Variants in ZSWIM6 observed in about 807,000 individuals in gnomAD.
ZSWIM6 encodes the protein zinc finger SWIM-type containing 6.
In ZSWIM6, 9 loss-of-function variants were observed where a neutral mutation model predicts 113.2. The observed-to-expected ratio is 0.08, with a 90% confidence interval of 0.05 to 0.14. The LOEUF is 0.14. Among genes scored for constraint, ZSWIM6 ranks in the 10% least tolerant of loss-of-function variants. The probability of loss-of-function intolerance (pLI) is 1.00; values close to 1 mark genes in which losing one functional copy is unlikely to be tolerated. For synonymous variants in ZSWIM6, 611 were observed against 606.5 expected (o/e 1.01, Z -0.11); for missense variants, 1,162 against 1,552.2 (o/e 0.75, Z 4.22).
intron 1 of ZSWIM6, among the ~76,000 whole-genome samples, chr5:61,403,918 G>A (rs1359083522): frequency 6.6e-6 from 1 of 152,136 alleles, no homozygotes; most frequent in Non-Finnish European, 1.5e-5. Context: ...GCTTTCCTTG[G>A]ATAGTTTAAC....
chr5:61,421,056 A>G (rs1023425391), intron 1 of ZSWIM6, among the ~76,000 whole-genome samples: 1 of 151,920 alleles, frequency 6.6e-6, no homozygotes, highest in Non-Finnish European at 1.5e-5. Flanking sequence ...GGTGGCTGGA[A>G]TTACCGGCGC....
At position 61,375,697 on chromosome 5, in the gene ZSWIM6, T is replaced by G. The variant is rs2112073636; in HGVS notation, c.676+42749T>G. The G allele has an allele frequency of 2.6e-6, 4 of 1,547,668 alleles. No individual in the cohort carries two copies. In the South Asian group the frequency reaches 3.6e-5, roughly 14 times the overall value. On this transcript the variant is annotated intron_variant, in intron 1 of 13. Transcript: ENST00000252744. Reference sequence around the variant, plus strand: ...TAAACCTTTATCATCTGAGTCCTTGTCAGAATCAGAGTATATTGAGGAGGT... The same window carrying G: ...TAAACCTTTATCATCTGAGTCCTTGGCAGAATCAGAGTATATTGAGGAGGT...
At chr5:61,465,455 T>A (rs947866271) in intron 1 of ZSWIM6, among the ~76,000 whole-genome samples, 1 of 152,038 alleles carries the variant, frequency 6.6e-6, no homozygotes, top group East Asian at 1.9e-4. Context: ...CACTTCCCCT[T>A]AAACTAGTGG....
chr5:61,413,728 G>A (rs1746191149), intron 1 of ZSWIM6, among the ~76,000 whole-genome samples: 1 of 152,198 alleles, frequency 6.6e-6, no homozygotes, highest in South Asian at 2.1e-4. Flanking sequence ...ATTGGTGTGA[G>A]ATGGTATCTC....
intron 1 of ZSWIM6, among the ~76,000 whole-genome samples, chr5:61,352,272 G>T (rs1744802888): frequency 6.6e-6 from 1 of 152,184 alleles, no homozygotes. Flanking sequence ...TTTTTTGTGT[G>T]ATTTTTCTTT....
intron 1 of ZSWIM6, among the ~76,000 whole-genome samples, chr5:61,433,194 C>T (rs1410542890): frequency 2.0e-5 from 3 of 152,096 alleles, no homozygotes; most frequent in Admixed American, 2.0e-4. Context: ...TGGCTTACTA[C>T]CTTTCATTCC....
chr5:61,336,589 C>T (rs1391478044), intron 1 of ZSWIM6, among the ~76,000 whole-genome samples: 2 of 152,030 alleles, frequency 1.3e-5, no homozygotes, highest in African/African-American at 4.8e-5. Context: ...AAATCTTCGT[C>T]TCTACCAAAA....
intron 1 of ZSWIM6, among the ~76,000 whole-genome samples, chr5:61,334,065 A>T (rs920553186): frequency 6.6e-6 from 1 of 152,230 alleles, no homozygotes; most frequent in Middle Eastern, 3.2e-3. Context: ...AAACCAAACA[A>T]AAGAGTCTCT....
intron 1 of ZSWIM6, among the ~76,000 whole-genome samples, chr5:61,455,296 C>A (rs1747181205): frequency 6.6e-6 from 1 of 152,072 alleles, no homozygotes; most frequent in Admixed American, 6.6e-5. Context: ...AAAGTCCATT[C>A]ATTTCCTCTA....
chr5:61,355,330 C>T (rs1210774526), intron 1 of ZSWIM6, among the ~76,000 whole-genome samples: 4 of 151,876 alleles, frequency 2.6e-5, no homozygotes, highest in East Asian at 1.9e-4. Flanking sequence ...TTGAGATGCC[C>T]CCGGCTTTCA....
chr5:61,390,797 C>T, intron 1 of ZSWIM6: 1 of 792,798 alleles, frequency 1.3e-6, no homozygotes, highest in Non-Finnish European at 2.3e-6. Flanking sequence ...GGTCAATCTT[C>T]TCCAGAGGCC....
intron 1 of ZSWIM6, among the ~76,000 whole-genome samples, chr5:61,346,885 A>G (rs1281616154): frequency 6.6e-6 from 1 of 152,234 alleles, no homozygotes; most frequent in Non-Finnish European, 1.5e-5. Flanking sequence ...AGCCGTTAAA[A>G]TACTCTATTC....
intron 1 of ZSWIM6, among the ~76,000 whole-genome samples, chr5:61,333,770 C>T (rs1744323567): frequency 6.6e-6 from 1 of 151,922 alleles, no homozygotes; most frequent in South Asian, 2.1e-4. Context: ...AAGCTGCCTC[C>T]AGACACCCCT....
intron 5 of ZSWIM6, among the ~76,000 whole-genome samples, chr5:61,525,011 G>A (rs991645160): frequency 4.6e-5 from 7 of 152,074 alleles, no homozygotes; most frequent in South Asian, 2.1e-4. Context: ...TCTTTTCTCC[G>A]TCAGGTCCTG....
intron 1 of ZSWIM6, among the ~76,000 whole-genome samples, chr5:61,436,085 C>A (rs1246179725): frequency 6.6e-6 from 1 of 151,840 alleles, no homozygotes; most frequent in Non-Finnish European, 1.5e-5. Flanking sequence ...CCTGTAATCC[C>A]AGCTACCCGG....
At chr5:61,478,186 G>A (rs7719672) in intron 2 of ZSWIM6, among the ~76,000 whole-genome samples, 25,688 of 152,122 alleles carry the variant, frequency 0.17, 2,329 homozygotes, top group Non-Finnish European at 0.2. Context: ...TATATAATTA[G>A]CAAATATATT....
At chr5:61,453,391 T>C (rs1482455700) in intron 1 of ZSWIM6, among the ~76,000 whole-genome samples, 10 of 151,748 alleles carry the variant, frequency 6.6e-5, no homozygotes, top group Non-Finnish European at 2.9e-5. Flanking sequence ...TTTTTTTTTT[T>C]TTGTGCCAGG....
At chr5:61,424,743 T>C (rs1312801004) in intron 1 of ZSWIM6, among the ~76,000 whole-genome samples, 6 of 151,574 alleles carry the variant, frequency 4.0e-5, no homozygotes, top group Non-Finnish European at 8.8e-5. Context: ...TTTTTTTTTT[T>C]TGGAGATGGA....
Position 61,531,622 on chromosome 5 carries a change from A to T in ZSWIM6, c.2142A>T (p.Lys714Asn). Residue 714 changes from lysine to asparagine, a missense_variant, in exon 9 of 14, where the codon AAA (lysine) becomes AAT (asparagine). Lys to Asn is a moderately conservative substitution (Grantham distance 94). This residue lies in a region of ZSWIM6 where 620 missense variants were observed against 804.6 expected (regional missense o/e 0.77). Transcript: ENST00000252744. Reference protein sequence around the residue: ...IMPDGLYTQEKVCRNEEQLIS... With the variant: ...IMPDGLYTQENVCRNEEQLIS... ...CTGATGGGCTGTACACACAAGAGAA[A>T]GTTTGCCGGAATGAGGAGCAGCTCA... is the stretch of plus-strand genomic sequence containing the variant. 1 of 1,551,696 alleles carries T rather than the reference A, an allele frequency of 6.4e-7. No homozygotes were observed. Among genetic ancestry groups the T allele is most frequent in the Non-Finnish European group, 8.7e-7 (1 of 1,146,968 alleles).
Sources: allele counts gnomAD v4.1 joint callset (sites outside exome capture counted in the v4.1 genomes callset), GRCh38; gene constraint gnomAD v4.1.1; regional missense constraint gnomAD v4.1.1; transcripts MANE v1.5; gene names NCBI Gene and HGNC (gene_info 2026-07-23, HGNC 2026-07-21).